Variants in WDR93 observed in about 807,000 individuals in gnomAD.
WDR93 encodes the protein WD repeat-containing protein 93.
A neutral mutation model predicts 82.9 loss-of-function variants in WDR93; 73 were observed. The observed-to-expected ratio is 0.88, with a 90% CI of 0.73 to 1.07. WDR93 has a LOEUF of 1.07. WDR93 is among the 50% of genes least tolerant of loss of function. The pLI, the probability that WDR93 is intolerant of heterozygous loss-of-function variation, is 0.00. For synonymous variants in WDR93, 283 were observed against 300.1 expected (o/e 0.94, Z 0.59); for missense variants, 738 against 826.0 (o/e 0.89, Z 1.31).
intron 13 of WDR93, among the ~76,000 whole-genome samples, chr15:89,735,001 C>T (rs889767025): frequency 6.6e-6 from 1 of 151,010 alleles, no homozygotes; most frequent in East Asian, 2.0e-4. Flanking sequence ...TCCTTCCTTC[C>T]TTCCTTCTTT....
intron 7 of WDR93, among the ~76,000 whole-genome samples, chr15:89,721,651 T>C (rs999509194): frequency 3.9e-5 from 6 of 152,208 alleles, no homozygotes; most frequent in African/African-American, 1.2e-4. Context: ...TCTCGCTATG[T>C]TGCCCAGGCT....
rs753427803 is a variant in WDR93, at chr15:89,729,119, G to T, written c.1123+26G>T. 4.4e-6 allele frequency: 7 copies of T among 1,607,614 alleles called. No homozygotes were observed. The South Asian group carries it at 4.4e-5, about 10-fold the overall frequency. Reference sequence around the variant, plus strand: ...GTAAATGAACATGAAGTGGGTGGTTGTCCTAGCAAGGAGTCACCTTGGGGA... The same window carrying T: ...GTAAATGAACATGAAGTGGGTGGTTTTCCTAGCAAGGAGTCACCTTGGGGA... On this transcript the variant is annotated intron_variant, in intron 10 of 16. Transcript: ENST00000268130.
upstream of WDR93, chr15:89,690,725 AT>A: frequency 2.3e-6 from 2 of 887,974 alleles, no homozygotes; most frequent in Non-Finnish European, 1.7e-6. Flanking sequence ...GTCCCAGGTT[AT>A]CCGCTGAGGG....
At chr15:89,693,928 G>C (rs143132468) in intron 1 of WDR93, among the ~76,000 whole-genome samples, 10 of 152,324 alleles carry the variant, frequency 6.6e-5, no homozygotes, top group Admixed American at 2.0e-4. Flanking sequence ...TAGCATCTAA[G>C]ATGGAGTTGC....
intron 13 of WDR93, among the ~76,000 whole-genome samples, chr15:89,734,735 A>G (rs1967018782): frequency 6.6e-6 from 1 of 152,172 alleles, no homozygotes; most frequent in Non-Finnish European, 1.5e-5. Flanking sequence ...CTGTAATCCA[A>G]GCACTTTGGG....
intron 6 of WDR93, among the ~76,000 whole-genome samples, chr15:89,716,359 T>C (rs1966254463): frequency 6.6e-6 from 1 of 152,260 alleles, no homozygotes; most frequent in Non-Finnish European, 1.5e-5. Flanking sequence ...CTGCTTTTTA[T>C]CAACAAATTC....
chr15:89,714,898 T>C (rs1966173261), intron 5 of WDR93, 82 bp from the exon 6 acceptor site: 4 of 1,218,476 alleles, frequency 3.3e-6, no homozygotes, highest in South Asian at 1.3e-5. Flanking sequence ...CCAGCAGTTC[T>C]AAGAAGAAGA....
chr15:89,702,041 G>A lies in WDR93; in HGVS notation c.295G>A (p.Glu99Lys), dbSNP rs778253580. 9 of 1,608,924 alleles carry A rather than the reference G, an allele frequency of 5.6e-6. No homozygotes were observed. The highest frequency in any genetic ancestry group is 1.7e-5 in the Admixed American group (1 of 59,930). Reference protein sequence around the residue: ...IQPTVYPPLGEIQLNKMPNCM... With the variant: ...IQPTVYPPLGKIQLNKMPNCM... ...GCCCACCGTCTACCCTCCACTTGGA[G>A]AAATCCAGGTATGGAGTAAGCAGTT... is the stretch of plus-strand genomic sequence containing the variant. The change falls in exon 2 of 17, where the codon GAA (glutamate) becomes AAA (lysine). Residue 99 changes from glutamate (E) to lysine (K), a missense_variant. By Grantham distance (56) the Glu-to-Lys change is moderately conservative. Transcript: ENST00000268130.
At chr15:89,699,670 TC>T (rs1965361775) in intron 1 of WDR93, among the ~76,000 whole-genome samples, 1 of 152,166 alleles carries the variant, frequency 6.6e-6, no homozygotes. Context: ...TCATTTTGTT[TC>T]TATTGCTGTG....
chr15:89,714,254 T>C (rs1465303127), intron 5 of WDR93: 5 of 152,128 alleles, frequency 3.3e-5, no homozygotes, highest in Admixed American at 6.6e-5. Flanking sequence ...GCAGCACATA[T>C]ACTAAAACTG....
Position 89,701,653 on chromosome 15 carries a change from A to G in WDR93, c.-40-54A>G, listed in dbSNP as rs544143260. On this transcript the variant is annotated intron_variant, in intron 1 of 16. Coordinates refer to ENST00000268130, the MANE Select transcript of WDR93 (RefSeq NM_020212.2). Reference sequence around the variant, plus strand: ...TTGTGCTAGAAAAGGATGATGTGCTATCTTCTCATTGCTTCCTTTCTTCCA... The same window carrying G: ...TTGTGCTAGAAAAGGATGATGTGCTGTCTTCTCATTGCTTCCTTTCTTCCA... 6.3e-5 allele frequency: 91 copies of G among 1,439,000 alleles called. No individual in the cohort carries two copies. The South Asian group carries it at 8.5e-4, about 13-fold the overall frequency. The allele number at this position is 1,439,000 out of a possible 1,614,324, so 89.1% of individuals were successfully genotyped here.
At chr15:89,710,625 A>C (rs1278678132) in intron 4 of WDR93, among the ~76,000 whole-genome samples, 1 of 152,194 alleles carries the variant, frequency 6.6e-6, no homozygotes, top group Non-Finnish European at 1.5e-5. Context: ...AATACTGGGA[A>C]TGTCCCGCAA....
At chr15:89,727,492 G>A (rs1328881681) in intron 9 of WDR93, among the ~76,000 whole-genome samples, 164 bp downstream of exon 9, 2 of 152,194 alleles carry the variant, frequency 1.3e-5, no homozygotes, top group Admixed American at 6.5e-5. Flanking sequence ...TTGGGAGGCC[G>A]AGGCAGGAGG....
intron 3 of WDR93, 165 bp from the exon 4 acceptor site, chr15:89,705,389 G>GA (rs1965681730): frequency 4.7e-6 from 3 of 637,670 alleles, no homozygotes; most frequent in Non-Finnish European, 8.5e-6. Flanking sequence ...AGGGGTGGAG[G>GA]AAGGCAGGGA....
intron 4 of WDR93, among the ~76,000 whole-genome samples, chr15:89,705,949 A>T (rs149775953): frequency 3.4e-3 from 523 of 152,210 alleles, no homozygotes; most frequent in Non-Finnish European, 5.6e-3. Context: ...TCCCTTGCCC[A>T]TGCTGTTCCT....
intron 9 of WDR93, among the ~76,000 whole-genome samples, chr15:89,728,400 G>A (rs1966820594): frequency 6.6e-6 from 1 of 152,076 alleles, no homozygotes; most frequent in Admixed American, 6.6e-5. Flanking sequence ...GCTGTCAAGT[G>A]GACCTTAAAT....
At chr15:89,732,248 C>T (rs575281277) in intron 12 of WDR93, among the ~76,000 whole-genome samples, 1 of 152,314 alleles carries the variant, frequency 6.6e-6, no homozygotes, top group Non-Finnish European at 1.5e-5. Flanking sequence ...GCCACCTTCA[C>T]TGGGCAGCCC....
chr15:89,695,168 G>C (rs1218084879), intron 1 of WDR93, among the ~76,000 whole-genome samples: 1 of 144,920 alleles, frequency 6.9e-6, no homozygotes, highest in Admixed American at 6.9e-5. Flanking sequence ...AAAAAAAAAA[G>C]CCACCTGGGA....
chr15:89,708,287 A>C (rs1386267144), intron 4 of WDR93, among the ~76,000 whole-genome samples: 1 of 152,194 alleles, frequency 6.6e-6, no homozygotes, highest in African/African-American at 2.4e-5. Context: ...GCTGTTAAAA[A>C]ATTTCAAATT....
Sources: gnomAD v4.1 joint callset for allele counts (sites outside exome capture counted in the v4.1 genomes callset) on GRCh38, gnomAD v4.1.1 for gene constraint, MANE v1.5 for transcripts, NCBI Gene and HGNC (gene_info 2026-07-23, HGNC 2026-07-21) for gene names.